ZNF345: variants seen among roughly 807,000 people sequenced by gnomAD.
ZNF345 encodes zinc finger protein 345.
For synonymous variants in ZNF345, 166 were observed against 187.9 expected (o/e 0.88, Z 0.95); for missense variants, 527 against 589.9 (o/e 0.89, Z 1.10).
rs549461697 is a variant in ZNF345 at position 36,891,471 on chromosome 19, A to G, written c.47-1347A>G. ...AAAAATTATTATAAAGGTTAACAAA[A>G]TGGTCTTACTTTACTGTCATTCAAC... On this transcript the variant is annotated intron_variant, in intron 3 of 3. Transcript: ENST00000526123. 6.3e-5 allele frequency: 95 copies of G among 1,516,498 alleles called. 1 individual carries two copies. In the South Asian group the frequency reaches 9.7e-4, roughly 15 times the overall value. The allele number at this position is 1,516,498 out of a possible 1,614,324, so 93.9% of individuals were successfully genotyped here. A position where few individuals can be genotyped will look rare whatever the true frequency, so the allele number is the denominator to read the frequency against.
intron 2 of ZNF345, among the ~76,000 whole-genome samples, chr19:36,865,234 A>G (rs1477267515): frequency 1.3e-5 from 2 of 152,198 alleles, no homozygotes; most frequent in Admixed American, 6.5e-5. Context: ...CACTACTGGC[A>G]AAGCTTAACA....
At chr19:36,855,723 A>T (rs2072403089) in intron 2 of ZNF345, among the ~76,000 whole-genome samples, 1 of 149,626 alleles carries the variant, frequency 6.7e-6, no homozygotes, top group Non-Finnish European at 1.5e-5. Context: ...AAGTGTTGGG[A>T]TTACAGGCGT....
At chr19:36,866,595 G>A (rs1360615935) in intron 2 of ZNF345, among the ~76,000 whole-genome samples, 2 of 152,092 alleles carry the variant, frequency 1.3e-5, no homozygotes, top group African/African-American at 2.4e-5. Flanking sequence ...TGTTGCCCAC[G>A]CTAGAGTGTA....
At chr19:36,861,096 G>C (rs2072537429) in intron 2 of ZNF345, among the ~76,000 whole-genome samples, 1 of 152,102 alleles carries the variant, frequency 6.6e-6, no homozygotes, top group South Asian at 2.1e-4. Context: ...ATAATCTGTT[G>C]TTATTTATTT....
intron 2 of ZNF345, among the ~76,000 whole-genome samples, chr19:36,867,860 A>G (rs1056154813): frequency 6.6e-6 from 1 of 152,150 alleles, no homozygotes; most frequent in Non-Finnish European, 1.5e-5. Context: ...TTCTTAGGCC[A>G]GTCCTATTGA....
chr19:36,857,397 C>A (rs1372516500), intron 2 of ZNF345, among the ~76,000 whole-genome samples: 3 of 152,146 alleles, frequency 2.0e-5, no homozygotes, highest in Non-Finnish European at 2.9e-5. Flanking sequence ...AGCTCCGCCT[C>A]CTGGGTTCAC....
At chr19:36,858,398 C>T (rs533507138) in intron 2 of ZNF345, 166 of 152,338 alleles carry the variant, frequency 1.1e-3, no homozygotes, top group African/African-American at 3.6e-3. Context: ...GTGACTTCAG[C>T]GCATATAAGC....
At chr19:36,859,448 A>G (rs1385805422) in intron 2 of ZNF345, among the ~76,000 whole-genome samples, 1 of 150,326 alleles carries the variant, frequency 6.7e-6, no homozygotes, top group Non-Finnish European at 1.5e-5. Flanking sequence ...GAGCCACCAC[A>G]CCCAGACTTT....
chr19:36,872,959 A>G (rs1051197536), intron 2 of ZNF345, among the ~76,000 whole-genome samples: 2 of 152,150 alleles, frequency 1.3e-5, no homozygotes, highest in Admixed American at 6.6e-5. Flanking sequence ...TTCTTCTAGC[A>G]CACTTTGTAG....
chr19:36,892,895 A>G (rs963970499), exon 4 of ZNF345: 2 of 1,157,072 alleles, frequency 1.7e-6, no homozygotes, highest in Non-Finnish European at 2.2e-6. Context: ...CTGCAAGGCC[A>G]TCAGCATGCC....
intron 3 of ZNF345, chr19:36,892,692 T>C: frequency 1.6e-6 from 1 of 613,226 alleles, no homozygotes; most frequent in Admixed American, 3.5e-5. Context: ...ACCTCTATGA[T>C]CCTCAAATTT....
chr19:36,879,760 C>T (rs2072957309), downstream of ZNF345, among the ~76,000 whole-genome samples: 1 of 152,148 alleles, frequency 6.6e-6, no homozygotes, highest in African/African-American at 2.4e-5. Flanking sequence ...CTTCCAGATC[C>T]TTTTATATGC....
At position 36,870,877 on chromosome 19, in the gene ZNF345, A is replaced by T. The variant is rs534694514; in HGVS notation, c.-46-5908A>T. 7.2e-5 allele frequency among the ~76,000 whole-genome samples: 11 copies of T among 152,210 alleles called. No individual in the cohort carries two copies. The South Asian group carries it at 2.3e-3, about 32-fold the overall frequency. ...GAGACTCATTTCTTTCAGGTCTGGG[A>T]AGTTGCCCTTAATGCTACTTTTTAG... On this transcript the variant is annotated intron_variant, in intron 2 of 2. Coordinates refer to ENST00000420450, the MANE Select transcript of ZNF345 (RefSeq NM_001242472.2).
chr19:36,877,551 A>G lies in ZNF345; in HGVS notation c.721A>G (p.Ser241Gly), dbSNP rs749427211. ...CAAAGCATGTGGAATGGCCTTTAGC[A>G]GTGGTTCGGCTCTTACTCGGCATCA... ...ECKACGMAFS[S>G]GSALTRHQRI... The change falls in exon 3 of 3, where the codon AGT becomes GGT. Residue 241 changes from serine to glycine, a missense_variant. Physicochemically the swap from Ser to Gly is moderately conservative, Grantham distance 56 (BLOSUM62 0). Transcript: ENST00000420450. The G allele has an allele frequency of 4.3e-6, 7 of 1,614,176 alleles. No individual in the cohort carries two copies. In the South Asian group the frequency reaches 4.4e-5, roughly 10 times the overall value.
In ZNF345 at chr19:36,868,869, C is replaced by A. The variant is rs543438218; in HGVS notation, c.-46-7916C>A. On this transcript the variant is annotated intron_variant, in intron 2 of 2. Coordinates refer to ENST00000420450, the MANE Select transcript of ZNF345 (RefSeq NM_001242472.2). ...TCAAACTCCTGACCTCGTGATCCACCCGCCTCAGCCTCCCAAACTGCTGGG... is the reference window on the plus strand; with the variant it reads ...TCAAACTCCTGACCTCGTGATCCACACGCCTCAGCCTCCCAAACTGCTGGG... Among the ~76,000 whole-genome samples the A allele has an allele frequency of 1.0e-3, 158 of 152,224 alleles. 1 individual carries two copies. Among genetic ancestry groups the A allele is most frequent in the African/African-American group, 3.7e-3 (155 of 41,546 alleles).
chr19:36,884,553 A>T (rs1046091170), downstream of ZNF345, among the ~76,000 whole-genome samples: 1 of 152,134 alleles, frequency 6.6e-6, no homozygotes, highest in Non-Finnish European at 1.5e-5. Flanking sequence ...AGCTCACCTT[A>T]GCCTTTGGTT....
At chr19:36,892,275 G>A (rs567646488) in intron 3 of ZNF345, 8 of 1,613,888 alleles carry the variant, frequency 5.0e-6, no homozygotes, top group South Asian at 3.3e-5. Flanking sequence ...TCTGATGTTG[G>A]ATAAATTGTG....
rs576810009 is a variant in ZNF345 at position 36,878,579 on chromosome 19, G to A, written c.*282G>A. On this transcript the variant is annotated 3_prime_UTR_variant, in exon 3 of 3. Transcript: ENST00000420450. ...TATTTTGCCTCAACTTTAAACATTG[G>A]AAAACTCATTTCTGGGTTAATCCTA... 4.2e-4 allele frequency: 106 copies of A among 249,538 alleles called. No homozygotes were observed. The highest frequency in any genetic ancestry group is 6.7e-4 in the Admixed American group (13 of 19,280). The allele number at this position is 249,538 out of a possible 1,614,324, so 15.5% of individuals were successfully genotyped here.
intron 3 of ZNF345, among the ~76,000 whole-genome samples, chr19:36,885,417 A>C (rs1292876574): frequency 2.0e-5 from 3 of 151,770 alleles, no homozygotes; most frequent in Non-Finnish European, 4.4e-5. Flanking sequence ...TTTGTTTGCT[A>C]GATATGTATG....
Sources: allele counts gnomAD v4.1 joint callset (sites outside exome capture counted in the v4.1 genomes callset), GRCh38; gene constraint gnomAD v4.1.1; transcripts MANE v1.5; gene names NCBI Gene and HGNC (gene_info 2026-07-23, HGNC 2026-07-21).